The following GPR89B variants were observed in gnomAD, a reference collection of about 807,000 sequenced individuals.
GPR89B encodes golgi pH regulator B.
GPR89B carries 25 observed loss-of-function variants against 52.4 expected under a neutral mutation model. The observed-to-expected ratio is 0.48, with a 90% CI of 0.35 to 0.67. GPR89B has a LOEUF of 0.67. GPR89B is among the 30% of genes least tolerant of loss of function. The pLI, the probability that GPR89B is intolerant of heterozygous loss-of-function variation, is 0.01. For missense variants in GPR89B, 146 were observed against 450.2 expected, an observed-to-expected ratio of 0.32 and a Z score of 6.11; for synonymous variants, 52 against 151.2, an observed-to-expected ratio of 0.34 and a Z score of 4.81.
At chr1:148,013,631 G>A in the GPR89B span, among the ~76,000 whole-genome samples, 1 of 152,000 alleles carries the variant, frequency 6.6e-6, no homozygotes, top group Non-Finnish European at 1.5e-5. Flanking sequence ...GCCAGCTCCT[G>A]GGCCACGCGA....
At chr1:148,004,926 T>C in the GPR89B span, among the ~76,000 whole-genome samples, 179 of 108,986 alleles carry the variant, frequency 1.6e-3, 7 homozygotes, top group Middle Eastern at 5.3e-3. Context: ...CACACACACA[T>C]AAAAATTAGC....
intron 10 of GPR89B, among the ~76,000 whole-genome samples, chr1:147,982,417 A>C (rs1233693573): frequency 6.8e-6 from 1 of 147,374 alleles, no homozygotes; most frequent in Non-Finnish European, 1.5e-5. Context: ...AACAGTTTAC[A>C]TTCCTGTCAG....
At chr1:148,009,421 G>C in the GPR89B span, 1 of 1,610,760 alleles carries the variant, frequency 6.2e-7, no homozygotes, top group Non-Finnish European at 8.5e-7. Flanking sequence ...GTCCAAGTTT[G>C]CACACCTCCA....
At chr1:148,017,746 T>TAAATAAAATAAAATAAAATA in the GPR89B span, among the ~76,000 whole-genome samples, 277 of 143,430 alleles carry the variant, frequency 1.9e-3, 3 homozygotes, top group Admixed American at 2.6e-3. Flanking sequence ...TCAAAATAAA[T>TAAATAAAATAAAATAAAATA]AAATAAAATA....
chr1:147,942,318 T>G, intron 3 of GPR89B, among the ~76,000 whole-genome samples: 1 of 143,262 alleles, frequency 7.0e-6, no homozygotes. Flanking sequence ...AAATAACAAG[T>G]GTTGGCGAGG....
At chr1:147,972,852 T>G (rs1464947447) in intron 10 of GPR89B, among the ~76,000 whole-genome samples, 1 of 149,458 alleles carries the variant, frequency 6.7e-6, no homozygotes, top group Non-Finnish European at 1.5e-5. Context: ...TGTTGTTCCC[T>G]CCCTGTGTCT....
the GPR89B span, among the ~76,000 whole-genome samples, chr1:147,999,563 C>T: frequency 1.4e-5 from 2 of 145,756 alleles, no homozygotes; most frequent in Admixed American, 6.8e-5. Flanking sequence ...GGCACCACTG[C>T]ACTCCAGCCT....
At chr1:147,952,969 A>T (rs1655836763) in intron 5 of GPR89B, among the ~76,000 whole-genome samples, 1 of 151,076 alleles carries the variant, frequency 6.6e-6, no homozygotes, top group Non-Finnish European at 1.5e-5. Context: ...CCTGCTATTT[A>T]TACTTTTCCA....
intron 1 of GPR89B, among the ~76,000 whole-genome samples, chr1:147,930,145 T>C (rs1342648149): frequency 6.6e-6 from 1 of 152,244 alleles, no homozygotes; most frequent in South Asian, 2.1e-4. Context: ...CTTATAATCA[T>C]AGACTTTCAC....
At chr1:147,934,667 C>T (rs1227743457) in intron 1 of GPR89B, among the ~76,000 whole-genome samples, 5 of 152,180 alleles carry the variant, frequency 3.3e-5, no homozygotes, top group Non-Finnish European at 7.3e-5. Context: ...TCTGTCCTAA[C>T]CCCCTACAGA....
the GPR89B span, among the ~76,000 whole-genome samples, chr1:148,025,463 C>T: frequency 8.1e-6 from 1 of 123,446 alleles, no homozygotes; most frequent in Admixed American, 1.1e-4. Flanking sequence ...GCAGAGGTTG[C>T]GGTGAGCCTA....
chr1:147,971,445 C>A (rs1263697645), intron 10 of GPR89B, among the ~76,000 whole-genome samples: 2 of 149,934 alleles, frequency 1.3e-5, no homozygotes, highest in South Asian at 2.1e-4. Flanking sequence ...GCCATCACAC[C>A]CGGCCTAGGG....
the GPR89B span, among the ~76,000 whole-genome samples, chr1:148,023,343 T>G: frequency 1.4e-5 from 2 of 146,486 alleles, no homozygotes; most frequent in East Asian, 1.9e-4. Flanking sequence ...AATCCACCAT[T>G]GATGGGCACC....
At chr1:147,989,643 C>T (rs1284751924) in intron 12 of GPR89B, among the ~76,000 whole-genome samples, 6 of 151,986 alleles carry the variant, frequency 3.9e-5, no homozygotes, top group Non-Finnish European at 8.8e-5. Flanking sequence ...CAAGTGTTCT[C>T]ATTGTTCAAT....
At chr1:147,970,523 CTCTCTCTCTCTA>C (rs1182428839) in intron 10 of GPR89B, among the ~76,000 whole-genome samples, 1 of 149,988 alleles carries the variant, frequency 6.7e-6, no homozygotes, top group Non-Finnish European at 1.5e-5. Context: ...CTCTCTCTCT[CTCTCTCTCTCTA>C]TCTCTATCTC....
At chr1:147,935,368 C>T (rs782779673) in intron 1 of GPR89B, among the ~76,000 whole-genome samples, 6 of 152,128 alleles carry the variant, frequency 3.9e-5, no homozygotes, top group Non-Finnish European at 7.4e-5. Context: ...TACACTTGCT[C>T]AGTAAAGTAG....
In GPR89B at chr1:147,991,250, G is replaced by T. The variant is rs1456016243; in HGVS notation, c.1096-1252G>T. On this transcript the variant is annotated intron_variant, in intron 12 of 13. Transcript: ENST00000314163. ...TCACTCATGATTTGGCTCTCTGTTT[G>T]TCTGTTATTGGTGTATAAGAATGCT... is the stretch of plus-strand genomic sequence containing the variant. Among the ~76,000 whole-genome samples the T allele has an allele frequency of 2.0e-5, 3 of 151,892 alleles. No homozygotes were observed. The East Asian group carries it at 5.8e-4, about 29-fold the overall frequency.
chr1:147,941,156 CA>C (rs1654526430), intron 3 of GPR89B, among the ~76,000 whole-genome samples: 2 of 152,058 alleles, frequency 1.3e-5, no homozygotes, highest in South Asian at 4.2e-4. Flanking sequence ...GAGCAGAGAT[CA>C]TATGACTTCC....
chr1:147,935,337 T>C (rs1653993038), intron 1 of GPR89B, among the ~76,000 whole-genome samples: 1 of 152,058 alleles, frequency 6.6e-6, no homozygotes, highest in Admixed American at 6.6e-5. Context: ...GCTAAAGTAG[T>C]CTGTGCTAAA....
Sources: allele counts gnomAD v4.1 joint callset (sites outside exome capture counted in the v4.1 genomes callset), GRCh38; gene constraint gnomAD v4.1.1; transcripts MANE v1.5; gene names NCBI Gene and HGNC (gene_info 2026-07-23, HGNC 2026-07-21).